B4GALNT2: variants seen among roughly 807,000 people sequenced by gnomAD.
The protein encoded by B4GALNT2 is N-acetylneuraminylgalactosylglucosyl-glucoside beta-1,4-N- acetylgalactosaminyltransferase 2.
A neutral mutation model predicts 51.1 loss-of-function variants in B4GALNT2; 42 were observed. The observed-to-expected ratio is 0.82, with a 90% confidence interval of 0.64 to 1.06. The LOEUF is 1.06. Ranked by LOEUF, B4GALNT2 falls within the 50% of genes least tolerant of loss-of-function variation. B4GALNT2 has a pLI of 0.00. For synonymous variants in B4GALNT2, 253 were observed against 251.7 expected (o/e 1.01, Z -0.05); for missense variants, 602 against 633.6 (o/e 0.95, Z 0.54).
At chr17:49,152,112 C>T (rs1276561778) in intron 3 of B4GALNT2, among the ~76,000 whole-genome samples, 1 of 152,114 alleles carries the variant, frequency 6.6e-6, no homozygotes, top group East Asian at 1.9e-4. Context: ...CATGGTGGCT[C>T]TCTCCTATAG....
intron 8 of B4GALNT2, among the ~76,000 whole-genome samples, chr17:49,165,255 T>TCTCCTCTTTCCCTCTCTCC (rs1257820028): frequency 6.6e-6 from 1 of 151,370 alleles, no homozygotes; most frequent in African/African-American, 2.4e-5. Flanking sequence ...TTGGTCTCTC[T>TCTCCTCTTTCCCTCTCTCC]CTCCTCTTTC....
chr17:49,153,287 CA>C (rs1230601678), intron 4 of B4GALNT2, among the ~76,000 whole-genome samples: 1 of 151,968 alleles, frequency 6.6e-6, no homozygotes, highest in Non-Finnish European at 1.5e-5. Flanking sequence ...TGGCGGTGGG[CA>C]ACTGTAGTCC....
At position 49,175,839 on chromosome 17, in the gene B4GALNT2, G is replaced by C. The variant is rs28824520; in HGVS notation, c.*6111G>C. On this transcript the variant is annotated 3_prime_UTR_variant, in exon 11 of 11. Coordinates refer to ENST00000393354, the MANE Select transcript of B4GALNT2 (RefSeq NM_001159387.2). ...CACCCAGTGTCCTCTGGAAAAGAAA[G>C]ATCTGTAGGGTCAGGTCACTCTTTT... 5.3e-5 allele frequency: 8 copies of C among 152,130 alleles called. No individual in the cohort carries two copies. Among genetic ancestry groups the C allele is most frequent in the African/African-American group, 1.4e-4 (6 of 41,408 alleles). The allele number at this position is 152,130 out of a possible 1,614,324, so 9.4% of individuals were successfully genotyped here. A position where few individuals can be genotyped will look rare whatever the true frequency, so the allele number is the denominator to read the frequency against.
rs904360728 is a variant in B4GALNT2 at position 49,150,129 on chromosome 17, GC to G, written c.354-2668del. On this transcript the variant is annotated intron_variant, in intron 3 of 10. Coordinates refer to ENST00000393354, the MANE Select transcript of B4GALNT2 (RefSeq NM_001159387.2). ...CGTCCAGGAGGTGAGGGGCGCCTCT[GC>G]CCGGCCGCCCCTACTGGGAAGTGAG... Among the ~76,000 whole-genome samples the G allele has an allele frequency of 2.4e-4, 36 of 150,416 alleles. 2 individuals are homozygous for G. In the South Asian group the frequency reaches 2.5e-3, roughly 11 times the overall value.
rs2042953689 is a variant in B4GALNT2, at chr17:49,170,940, C to T, written c.*1212C>T. ...GCAGCAGGAACATGTCCTTAAAGCA[C>T]AGATAGCTCATACTATTATTTGTGG... On this transcript the variant is annotated 3_prime_UTR_variant, in exon 11 of 11. Coordinates refer to ENST00000393354, the MANE Select transcript of B4GALNT2 (RefSeq NM_001159387.2). 6.5e-6 allele frequency: 1 copy of T among 153,456 alleles called. No homozygotes were observed. The highest frequency in any genetic ancestry group is 2.0e-4 in the South Asian group (1 of 4,894). 9.5% of individuals were successfully genotyped at this position (153,456 alleles called of 1,614,324 possible).
intron 3 of B4GALNT2, among the ~76,000 whole-genome samples, chr17:49,152,334 T>C (rs2042765650): frequency 6.6e-6 from 1 of 152,186 alleles, no homozygotes; most frequent in Non-Finnish European, 1.5e-5. Context: ...GCCGTGATTG[T>C]GCCACTGTAC....
At chr17:49,164,874 A>G (rs745453744) in intron 8 of B4GALNT2, among the ~76,000 whole-genome samples, 3 of 151,996 alleles carry the variant, frequency 2.0e-5, no homozygotes, top group Non-Finnish European at 4.4e-5. Context: ...CAGTGGTGCA[A>G]TCACAGTGAT....
intron 6 of B4GALNT2, 115 bp from the exon 7 acceptor site, chr17:49,160,440 A>G (rs1523137): frequency 1 from 981,867 of 981,948 alleles, 490,893 homozygotes; most frequent in Middle Eastern, 1. Flanking sequence ...TCTCATCCCA[A>G]CCAGGACTCT....
Position 49,171,733 on chromosome 17 carries a change from G to T in B4GALNT2, c.*2005G>T. 1 of 411,452 alleles carries T rather than the reference G, an allele frequency of 2.4e-6. No individual in the cohort carries two copies. The highest frequency in any genetic ancestry group is 2.1e-5 in the African/African-American group (1 of 47,638). The allele number at this position is 411,452 out of a possible 1,614,324, so 25.5% of individuals were successfully genotyped here. ...TAATTTAAGCTAAACATCCCCTTAGGGGACCAATCAATAATGATTCCATAG... is the reference window on the plus strand; with the variant it reads ...TAATTTAAGCTAAACATCCCCTTAGTGGACCAATCAATAATGATTCCATAG... On this transcript the variant is annotated 3_prime_UTR_variant, in exon 11 of 11. Transcript: ENST00000393354.
chr17:49,124,748 ATAAAG>A, the B4GALNT2 span, among the ~76,000 whole-genome samples: 8 of 152,232 alleles, frequency 5.3e-5, no homozygotes, highest in African/African-American at 1.4e-4. Flanking sequence ...ATGTTTGACC[ATAAAG>A]TAAAGATTTT....
chr17:49,141,954 C>A, intron 2 of B4GALNT2, 81 bp from the exon 3 acceptor site: 2 of 1,547,506 alleles, frequency 1.3e-6, no homozygotes, highest in Non-Finnish European at 1.8e-6. Flanking sequence ...GTAAACTACA[C>A]ACTGGATTAG....
At chr17:49,130,302 C>T (rs577472605), upstream of B4GALNT2, among the ~76,000 whole-genome samples, 47 of 152,304 alleles carry the variant, frequency 3.1e-4, no homozygotes, top group African/African-American at 1.1e-3. Flanking sequence ...ATTTCGAATG[C>T]GAATCTGCCT....
At chr17:49,168,444 T>C (rs1403528) in intron 9 of B4GALNT2, among the ~76,000 whole-genome samples, 55,983 of 151,990 alleles carry the variant, frequency 0.37, 10,504 homozygotes, top group South Asian at 0.48. Flanking sequence ...GGGTTACTCA[T>C]GCCAAGGAGA....
At position 49,138,743 on chromosome 17, in the gene B4GALNT2, G is replaced by C. The variant is rs111441038; in HGVS notation, c.15-2504G>C. Among the ~76,000 whole-genome samples, 106 of 152,278 alleles carry C rather than the reference G, an allele frequency of 7.0e-4. 2 individuals are homozygous for C. The highest frequency in any genetic ancestry group is 2.4e-3 in the African/African-American group (101 of 41,564). ...AATACAAAGAATAGCCGGGTGTGGT[G>C]GTGGGCGCCTGTAATCCCAGCTATT... On this transcript the variant is annotated intron_variant, in intron 1 of 10. Coordinates refer to ENST00000393354, the MANE Select transcript of B4GALNT2 (RefSeq NM_001159387.2).
intron 1 of B4GALNT2, among the ~76,000 whole-genome samples, chr17:49,136,593 C>G (rs757960236): frequency 4.0e-5 from 6 of 151,776 alleles, no homozygotes; most frequent in Non-Finnish European, 7.4e-5. Context: ...GTCACCCAGG[C>G]TGGAGCACAG....
intron 9 of B4GALNT2, among the ~76,000 whole-genome samples, chr17:49,167,796 G>A (rs940379229): frequency 6.6e-6 from 1 of 151,912 alleles, no homozygotes; most frequent in African/African-American, 2.4e-5. Context: ...TTTTAGTAGA[G>A]ACAGGGTCTC....
At chr17:49,148,416 G>A (rs539656312) in intron 3 of B4GALNT2, 5 of 301,928 alleles carry the variant, frequency 1.7e-5, no homozygotes, top group East Asian at 1.1e-4. Context: ...CCTCAGCCTC[G>A]GCATTCTTGT....
intron 3 of B4GALNT2, among the ~76,000 whole-genome samples, chr17:49,149,357 G>A (rs1423418038): frequency 1.3e-5 from 2 of 151,808 alleles, no homozygotes; most frequent in Non-Finnish European, 2.9e-5. Flanking sequence ...ATTAAGACAT[G>A]TATAAGGGCC....
intron 4 of B4GALNT2, among the ~76,000 whole-genome samples, chr17:49,153,148 C>T (rs73336389): frequency 0.018 from 2,696 of 152,136 alleles, 82 homozygotes; most frequent in African/African-American, 0.062. Context: ...GCTGTGCTCA[C>T]GCCTGCCTAT....
Sources: gnomAD v4.1 joint callset for allele counts (sites outside exome capture counted in the v4.1 genomes callset) on GRCh38, gnomAD v4.1.1 for gene constraint, MANE v1.5 for transcripts, NCBI Gene and HGNC (gene_info 2026-07-23, HGNC 2026-07-21) for gene names.